The following NELL1 variants were observed in gnomAD, a reference collection of about 807,000 sequenced individuals.
The protein encoded by NELL1 is protein kinase C-binding protein NELL1.
A neutral mutation model predicts 107.4 loss-of-function variants in NELL1; 76 were observed. That is an observed-to-expected ratio of 0.71 (90% confidence interval 0.59 to 0.86). NELL1 has a LOEUF of 0.86. Among genes scored for constraint, NELL1 ranks in the 40% least tolerant of loss-of-function variants. The pLI is 0.00. For synonymous variants in NELL1, 353 were observed against 341.2 expected, an observed-to-expected ratio of 1.03 and a Z score of -0.38; for missense variants, 1,024 against 1,005.5, an observed-to-expected ratio of 1.02 and a Z score of -0.25.
chr11:21,439,174 A>G (rs1853213578), intron 15 of NELL1, among the ~76,000 whole-genome samples: 1 of 152,024 alleles, frequency 6.6e-6, no homozygotes, highest in Non-Finnish European at 1.5e-5. Context: ...AACTAGACCT[A>G]AGAGTCAGAG....
chr11:21,266,723 C>T (rs1848643827), intron 14 of NELL1, among the ~76,000 whole-genome samples: 1 of 152,002 alleles, frequency 6.6e-6, no homozygotes, highest in Non-Finnish European at 1.5e-5. Flanking sequence ...TAGCCTAGTC[C>T]TCTTGATCTT....
intron 15 of NELL1, among the ~76,000 whole-genome samples, chr11:21,414,965 C>T (rs1372942426): frequency 2.0e-5 from 3 of 151,934 alleles, no homozygotes; most frequent in Admixed American, 6.6e-5. Context: ...GATGCACCCC[C>T]CTCCCTCCCA....
intron 12 of NELL1, among the ~76,000 whole-genome samples, chr11:20,975,059 G>A (rs1851576904): frequency 6.6e-6 from 1 of 151,970 alleles, no homozygotes; most frequent in African/African-American, 2.4e-5. Flanking sequence ...ACTCATGCTG[G>A]AGTGCAGTGC....
chr11:21,183,038 C>G (rs1480699501), intron 13 of NELL1, among the ~76,000 whole-genome samples: 1 of 151,768 alleles, frequency 6.6e-6, no homozygotes, highest in Non-Finnish European at 1.5e-5. Flanking sequence ...TGAGAGGGAA[C>G]GGCTGGCAAA....
chr11:20,905,907 A>G (rs1020654660), intron 5 of NELL1, among the ~76,000 whole-genome samples: 1 of 152,188 alleles, frequency 6.6e-6, no homozygotes, highest in African/African-American at 2.4e-5. Flanking sequence ...ACATTTGATG[A>G]AATATATGAA....
At chr11:21,438,627 A>C (rs147107945) in intron 15 of NELL1, among the ~76,000 whole-genome samples, 113 of 152,180 alleles carry the variant, frequency 7.4e-4, no homozygotes, top group African/African-American at 2.6e-3. Flanking sequence ...CATATTGCAT[A>C]TGTCATGCAG....
At chr11:21,554,972 C>T (rs1856671867) in intron 16 of NELL1, among the ~76,000 whole-genome samples, 1 of 151,882 alleles carries the variant, frequency 6.6e-6, no homozygotes, top group African/African-American at 2.4e-5. Flanking sequence ...ATACTTCTTC[C>T]ACTAAGGAGA....
intron 9 of NELL1, 118 bp downstream of exon 9, chr11:20,928,597 T>C (rs1440794474): frequency 1.4e-5 from 11 of 788,946 alleles, no homozygotes; most frequent in Non-Finnish European, 2.1e-5. Context: ...TGGCAGTTGA[T>C]GTAACATTAA....
intron 14 of NELL1, among the ~76,000 whole-genome samples, chr11:21,266,191 AT>A (rs34976258): frequency 3.3e-5 from 5 of 150,220 alleles, no homozygotes; most frequent in Admixed American, 1.3e-4. Flanking sequence ...CCATTTAGGT[AT>A]TTTTTTTTTA....
At chr11:20,927,005 T>G in intron 7 of NELL1, 1 of 278,648 alleles carries the variant, frequency 3.6e-6, no homozygotes. Context: ...TTATGAGTGT[T>G]TTTGTGTGGG....
At chr11:20,872,487 C>T (rs576143347) in intron 4 of NELL1, among the ~76,000 whole-genome samples, 164 of 152,160 alleles carry the variant, frequency 1.1e-3, no homozygotes, top group Non-Finnish European at 1.2e-3. Context: ...CAGGCTGGCA[C>T]CTATAAGTCT....
chr11:21,436,306 G>A (rs149502183), intron 15 of NELL1, among the ~76,000 whole-genome samples: 2 of 152,166 alleles, frequency 1.3e-5, no homozygotes, highest in African/African-American at 4.8e-5. Flanking sequence ...GCCCGCCTCA[G>A]CCTCCTGAAG....
At chr11:21,090,243 A>C (rs1854491124) in intron 12 of NELL1, among the ~76,000 whole-genome samples, 1 of 152,176 alleles carries the variant, frequency 6.6e-6, no homozygotes, top group Non-Finnish European at 1.5e-5. Context: ...TCCAGTATTC[A>C]ACGACCTCAT....
intron 14 of NELL1, among the ~76,000 whole-genome samples, chr11:21,360,885 C>T (rs559677465): frequency 6.6e-6 from 1 of 152,140 alleles, no homozygotes; most frequent in Admixed American, 6.6e-5. Flanking sequence ...ACAGCAGATA[C>T]TTGTTTGGTG....
At chr11:20,798,977 A>T (rs1250881689) in intron 3 of NELL1, among the ~76,000 whole-genome samples, 1 of 37,892 alleles carries the variant, frequency 2.6e-5, no homozygotes, top group Non-Finnish European at 1.2e-4. Context: ...GATGATAAAT[A>T]CGGACAAAAT....
rs567276430 is a variant in NELL1 at position 21,006,276 on chromosome 11, A to G, written c.1300+45716A>G. 4.9e-4 allele frequency among the ~76,000 whole-genome samples: 75 copies of G among 152,200 alleles called. No individual in the cohort carries two copies. In the Middle Eastern group the frequency reaches 0.02, roughly 41 times the overall value. ...ATCCCATGATGGGACTGGTGGCTCT[A>G]TAAGAAGGGGAAGAGGGACCCGATC... On this transcript the variant is annotated intron_variant, in intron 12 of 19. Transcript: ENST00000357134.
chr11:21,072,488 T>G (rs1324528527), intron 12 of NELL1, among the ~76,000 whole-genome samples: 5 of 152,180 alleles, frequency 3.3e-5, no homozygotes, highest in African/African-American at 1.2e-4. Flanking sequence ...TAAACATCAA[T>G]AGTTCATTGT....
intron 14 of NELL1, among the ~76,000 whole-genome samples, chr11:21,309,312 A>AC (rs1446101037): frequency 2.3e-5 from 3 of 129,982 alleles, no homozygotes; most frequent in Non-Finnish European, 4.7e-5. Context: ...ATATATATAT[A>AC]ATATATATAT....
chr11:21,035,780 C>G (rs962885949), intron 12 of NELL1, among the ~76,000 whole-genome samples: 11 of 152,136 alleles, frequency 7.2e-5, no homozygotes, highest in Non-Finnish European at 1.3e-4. Context: ...CAACATCATA[C>G]TGAATGGGCA....
Sources: gnomAD v4.1 joint callset for allele counts (sites outside exome capture counted in the v4.1 genomes callset) on GRCh38, gnomAD v4.1.1 for gene constraint, MANE v1.5 for transcripts, NCBI Gene and HGNC (gene_info 2026-07-23, HGNC 2026-07-21) for gene names.